The following ADGRD1 variants were observed in gnomAD, a reference collection of about 807,000 sequenced individuals.
ADGRD1 encodes the protein adhesion G protein-coupled receptor D1.
In ADGRD1, 77 loss-of-function variants were observed where a neutral mutation model predicts 113.4. That is an observed-to-expected ratio of 0.68 (90% confidence interval 0.57 to 0.82). The LOEUF is 0.82. ADGRD1 is among the 40% of genes least tolerant of loss of function. ADGRD1 has a pLI of 0.00. For missense variants in ADGRD1, 1,036 were observed against 1,139.1 expected (o/e 0.91, Z 1.30); for synonymous variants, 474 against 475.0 (o/e 1.00, Z 0.03).
In ADGRD1 at chr12:131,121,130, C is replaced by T. The variant is rs57620103; in HGVS notation, c.2175+217C>T. On this transcript the variant is annotated intron_variant, in intron 20 of 24. Transcript: ENST00000261654. ...GCGGTGCTTTCCAGGCGGGTCCACT[C>T]GAGGCCCCAGGGCTCTTCCAGTCGA... 6.6e-3 allele frequency among the ~76,000 whole-genome samples: 1,000 copies of T among 152,318 alleles called. 15 individuals are homozygous for T. Among genetic ancestry groups the T allele is most frequent in the African/African-American group, 0.023 (945 of 41,572 alleles).
chr12:130,963,391 ATCT>A lies in ADGRD1; in HGVS notation c.104-3064_104-3062del, dbSNP rs1343998449. On this transcript the variant is annotated intron_variant, in intron 2 of 24. Coordinates refer to ENST00000261654, the MANE Select transcript of ADGRD1 (RefSeq NM_198827.5). Reference sequence around the variant, plus strand: ...AGAACAGAAAGATAATGCAATGTAAATCTTCTTCTTACATCTCGCACTCAGCTT... The same window carrying A: ...AGAACAGAAAGATAATGCAATGTAAATCTTCTTACATCTCGCACTCAGCTT... Among the ~76,000 whole-genome samples the A allele has an allele frequency of 3.9e-5, 6 of 151,966 alleles. No homozygotes were observed. In the East Asian group the frequency reaches 5.8e-4, roughly 15 times the overall value.
intron 15 of ADGRD1, among the ~76,000 whole-genome samples, chr12:131,092,900 A>G (rs61939714): frequency 6.8e-6 from 1 of 147,416 alleles, no homozygotes; most frequent in Non-Finnish European, 1.5e-5. Context: ...TTTTTTTTAA[A>G]TAAAACAAGA....
chr12:131,010,215 G>A (rs1779019650), intron 12 of ADGRD1, among the ~76,000 whole-genome samples: 1 of 152,166 alleles, frequency 6.6e-6, no homozygotes, highest in South Asian at 2.1e-4. Flanking sequence ...GGCAAGATTT[G>A]GAGTTTCCTT....
intron 13 of ADGRD1, among the ~76,000 whole-genome samples, chr12:131,044,712 T>C (rs77673020): frequency 0.06 from 9,131 of 152,250 alleles, 331 homozygotes; most frequent in Middle Eastern, 0.1. Flanking sequence ...TTTGCACCCA[T>C]TGGAAAGCTC....
At chr12:131,072,857 T>C (rs1885293672) in intron 13 of ADGRD1, among the ~76,000 whole-genome samples, 1 of 152,224 alleles carries the variant, frequency 6.6e-6, no homozygotes, top group South Asian at 2.1e-4. Context: ...CCTAAGGGTC[T>C]GAGCAGCATC....
chr12:131,012,807 G>C (rs1024792117), intron 12 of ADGRD1, among the ~76,000 whole-genome samples: 1 of 152,216 alleles, frequency 6.6e-6, no homozygotes, highest in African/African-American at 2.4e-5. Context: ...GGACCTGCAG[G>C]TTCCTCAGTC....
intron 9 of ADGRD1, chr12:131,002,778 G>T (rs1289293406): frequency 1.6e-6 from 2 of 1,248,570 alleles, no homozygotes; most frequent in East Asian, 1.1e-4. Context: ...AGAGCTGCTG[G>T]TGTCCCCATC....
At chr12:131,101,377 CTTTTTTTTTT>C (rs71095334) in intron 15 of ADGRD1, among the ~76,000 whole-genome samples, 5 of 36,132 alleles carry the variant, frequency 1.4e-4, no homozygotes, top group African/African-American at 1.8e-4. Context: ...TTCTTTCTTT[CTTTTTTTTTT>C]TTTTTTTTTT....
intron 15 of ADGRD1, 101 bp from the exon 16 acceptor site, chr12:131,104,730 T>G (rs1001405234): frequency 9.8e-6 from 7 of 710,802 alleles, no homozygotes; most frequent in Non-Finnish European, 1.4e-5. Context: ...AGCACCACAC[T>G]CACAGGGGAC....
At chr12:130,968,137 CT>C (rs1168789874) in intron 3 of ADGRD1, 9 of 152,214 alleles carry the variant, frequency 5.9e-5, no homozygotes, top group African/African-American at 1.4e-4. Context: ...CTCTTCACCC[CT>C]ATACCTGAAC....
chr12:131,127,534 C>T (rs1247401869), intron 20 of ADGRD1, among the ~76,000 whole-genome samples: 12 of 133,634 alleles, frequency 9.0e-5, no homozygotes, highest in African/African-American at 1.7e-4. Context: ...GTGATGGGAC[C>T]CTGAGCTCAG....
chr12:131,014,957 T>TA (rs1293486272), intron 13 of ADGRD1, among the ~76,000 whole-genome samples: 1 of 152,242 alleles, frequency 6.6e-6, no homozygotes, highest in Non-Finnish European at 1.5e-5. Flanking sequence ...TGCCGTTCTT[T>TA]AAAAAACGCG....
At chr12:131,135,614 T>C (rs1329945508) in intron 21 of ADGRD1, among the ~76,000 whole-genome samples, 1 of 152,160 alleles carries the variant, frequency 6.6e-6, no homozygotes, top group Non-Finnish European at 1.5e-5. Context: ...CCAGGCCTCA[T>C]TGCACCCTTC....
chr12:131,101,373 C>CTT (rs796951608), intron 15 of ADGRD1, among the ~76,000 whole-genome samples: 41 of 79,330 alleles, frequency 5.2e-4, no homozygotes, highest in South Asian at 8.5e-4. Context: ...CTTTTTCTTT[C>CTT]TTTCTTTTTT....
chr12:131,013,998 A>G (rs1878247978), intron 12 of ADGRD1, among the ~76,000 whole-genome samples: 1 of 152,222 alleles, frequency 6.6e-6, no homozygotes, highest in African/African-American at 2.4e-5. Context: ...TAAAACACAG[A>G]ATAGTTGAAC....
In ADGRD1 at chr12:130,982,011, G is replaced by T. The variant is rs745614720; in HGVS notation, c.438G>T (p.Glu146Asp). ...CCAGCGGTGGCAGAGGCTCTGTGGA[G>T]CTGTATACGCGGGACAATTCCATGA... is the stretch of plus-strand genomic sequence containing the variant. The part of the protein sequence containing the change: ...VCSSGGRGSV[E>D]LYTRDNSMTW... Residue 146 changes from glutamate to aspartate, a missense_variant, in exon 5 of 25, where the codon GAG becomes GAT. Glu to Asp is a conservative substitution (Grantham distance 45). Coordinates refer to ENST00000261654, the MANE Select transcript of ADGRD1 (RefSeq NM_198827.5). 6.2e-7 allele frequency: 1 copy of T among 1,614,032 alleles called. No individual in the cohort carries two copies. Among genetic ancestry groups the T allele is most frequent in the Admixed American group, 1.7e-5 (1 of 60,020 alleles).
intron 14 of ADGRD1, among the ~76,000 whole-genome samples, chr12:131,081,464 T>G (rs1366452641): frequency 2.0e-5 from 3 of 152,238 alleles, no homozygotes; most frequent in South Asian, 4.1e-4. Flanking sequence ...TTTTTGATAG[T>G]GGTTGACCTA....
At chr12:131,011,567 G>A (rs1307726968) in intron 12 of ADGRD1, among the ~76,000 whole-genome samples, 2 of 152,086 alleles carry the variant, frequency 1.3e-5, no homozygotes, top group Non-Finnish European at 2.9e-5. Flanking sequence ...GAAAGCATCC[G>A]GGCCCCAGGG....
At chr12:131,101,933 G>A (rs920586677) in intron 15 of ADGRD1, among the ~76,000 whole-genome samples, 3 of 152,206 alleles carry the variant, frequency 2.0e-5, no homozygotes, top group African/African-American at 7.2e-5. Flanking sequence ...CTCTAAAACA[G>A]CACTTCTTAA....
Sources: allele counts gnomAD v4.1 joint callset (sites outside exome capture counted in the v4.1 genomes callset), GRCh38; gene constraint gnomAD v4.1.1; transcripts MANE v1.5; gene names NCBI Gene and HGNC (gene_info 2026-07-23, HGNC 2026-07-21).